SMURF1: variants seen among roughly 807,000 people sequenced by gnomAD.
The protein encoded by SMURF1 is E3 ubiquitin-protein ligase SMURF1.
In SMURF1, 44 loss-of-function variants were observed where a neutral mutation model predicts 98.0. That is an observed-to-expected ratio of 0.45 (90% CI 0.35 to 0.58). The LOEUF (loss-of-function observed/expected upper bound fraction) is 0.58. Ranked by LOEUF, SMURF1 falls within the 20% of genes least tolerant of loss-of-function variation. The pLI is 0.00. For missense variants in SMURF1, 687 were observed against 938.4 expected (o/e 0.73, Z 3.50); for synonymous variants, 396 against 374.9 (o/e 1.06, Z -0.65).
At chr7:99,054,539 C>T (rs923416140) in intron 6 of SMURF1, among the ~76,000 whole-genome samples, 13 of 152,078 alleles carry the variant, frequency 8.5e-5, no homozygotes, top group Admixed American at 6.6e-4. Context: ...ATCTCCTGAC[C>T]TCGTGATCCA....
At chr7:99,142,095 G>A (rs1376571301) in intron 1 of SMURF1, among the ~76,000 whole-genome samples, 1 of 152,224 alleles carries the variant, frequency 6.6e-6, no homozygotes, top group Non-Finnish European at 1.5e-5. Context: ...GCCTGGTCCA[G>A]AACCTCTGGA....
chr7:99,066,769 ACT>A (rs1416486027), intron 1 of SMURF1, among the ~76,000 whole-genome samples: 1 of 148,834 alleles, frequency 6.7e-6, no homozygotes, highest in Admixed American at 6.8e-5. Context: ...ACACAGTGAG[ACT>A]CTGTCTCAAA....
rs1007008 is a variant in SMURF1, at chr7:99,028,913, C to T, written c.*1671G>A. 0.069 allele frequency: 10,515 copies of T among 152,248 alleles called. 463 individuals carry two copies. Among genetic ancestry groups the T allele is most frequent in the East Asian group, 0.21 (1,067 of 5,156 alleles). The allele number at this position is 152,248 out of a possible 1,614,324, so 9.4% of individuals were successfully genotyped here. A position where few individuals can be genotyped will look rare whatever the true frequency, so the allele number is the denominator to read the frequency against. ...ACTGGGGAACGGGCTTCTAGAACACCCTCAGGAAGCATCATGGTGAATGAG... is the reference window on the plus strand; with the variant it reads ...ACTGGGGAACGGGCTTCTAGAACACTCTCAGGAAGCATCATGGTGAATGAG... On this transcript the variant is annotated 3_prime_UTR_variant, in exon 18 of 18. Transcript: ENST00000361368.
chr7:99,114,404 T>C (rs1797395137), intron 1 of SMURF1, among the ~76,000 whole-genome samples: 1 of 152,064 alleles, frequency 6.6e-6, no homozygotes, highest in African/African-American at 2.4e-5. Context: ...AAAATTGTTA[T>C]AAGGGACAAA....
chr7:99,058,454 A>G (rs1414114190), intron 3 of SMURF1, among the ~76,000 whole-genome samples: 1 of 152,166 alleles, frequency 6.6e-6, no homozygotes, highest in East Asian at 1.9e-4. Context: ...TAATAGTCGC[A>G]TAGGACAGTA....
intron 1 of SMURF1, among the ~76,000 whole-genome samples, chr7:99,075,026 T>C (rs1796419402): frequency 6.6e-6 from 1 of 152,164 alleles, no homozygotes; most frequent in South Asian, 2.1e-4. Flanking sequence ...CTAGAATTGC[T>C]AAAATTAAAA....
At chr7:99,064,145 T>A (rs1796133956) in intron 1 of SMURF1, among the ~76,000 whole-genome samples, 1 of 152,242 alleles carries the variant, frequency 6.6e-6, no homozygotes, top group African/African-American at 2.4e-5. Context: ...ACAGTCCTTT[T>A]AATATGTCGC....
At chr7:99,043,157 G>A (rs898009814) in intron 11 of SMURF1, among the ~76,000 whole-genome samples, 1 of 152,106 alleles carries the variant, frequency 6.6e-6, no homozygotes, top group Admixed American at 6.6e-5. Flanking sequence ...CAAACATTCC[G>A]ACCGAGCCAT....
intron 1 of SMURF1, among the ~76,000 whole-genome samples, chr7:99,093,402 G>C (rs747146911): frequency 5.3e-5 from 8 of 152,136 alleles, no homozygotes; most frequent in Non-Finnish European, 8.8e-5. Context: ...GCTACACAAA[G>C]GAGGTGAGAA....
At chr7:99,051,242 A>C (rs935478427) in intron 8 of SMURF1, 115 bp downstream of exon 8, 2 of 930,610 alleles carry the variant, frequency 2.1e-6, no homozygotes, top group Non-Finnish European at 1.8e-6. Context: ...CATCAATATC[A>C]TCTCATTCAT....
chr7:99,049,794 T>C, intron 8 of SMURF1, 85 bp from the exon 9 acceptor site: 18 of 1,367,956 alleles, frequency 1.3e-5, no homozygotes, highest in Non-Finnish European at 1.8e-5. Flanking sequence ...GCCACAGAGG[T>C]TCCTTATCAA....
At chr7:99,055,890 C>G (rs546053585) in intron 5 of SMURF1, among the ~76,000 whole-genome samples, 2 of 152,044 alleles carry the variant, frequency 1.3e-5, no homozygotes, top group African/African-American at 4.8e-5. Flanking sequence ...CGCTTAAACG[C>G]GGGAGGCGGA....
rs777633432 is a variant in SMURF1, at chr7:99,052,405, C to T, written c.521G>A (p.Cys174Tyr). 4.4e-6 allele frequency: 7 copies of T among 1,599,874 alleles called. No homozygotes were observed. Among genetic ancestry groups the T allele is most frequent in the Non-Finnish European group, 3.4e-6 (4 of 1,172,042 alleles). Residue 174 changes from cysteine to tyrosine, a missense_variant, in exon 7 of 18, where the codon TGC becomes TAC. Cys to Tyr is a radical substitution (Grantham distance 194). This residue lies in a region of SMURF1 where 415 missense variants were observed against 508.4 expected (regional missense o/e 0.82). Coordinates refer to ENST00000361368, the MANE Select transcript of SMURF1 (RefSeq NM_181349.3). ...EDSGPGRPLSCFMEEPAPYTD... is the reference protein window; with the variant it reads ...EDSGPGRPLSYFMEEPAPYTD... ...GTAAGGGGCTGGTTCCTCCATGAAG[C>T]AGCTGAGCGGCCTCCCAGGCCCGGA...
At chr7:99,030,794 G>GT (rs1343940151) in intron 17 of SMURF1, 111 bp from the exon 18 acceptor site, 23 of 682,044 alleles carry the variant, frequency 3.4e-5, no homozygotes, top group Non-Finnish European at 4.5e-5. Flanking sequence ...GGAATGGGGG[G>GT]TGGGGCAGGG....
At chr7:99,090,927 C>T (rs1458020289) in intron 1 of SMURF1, among the ~76,000 whole-genome samples, 1 of 152,164 alleles carries the variant, frequency 6.6e-6, no homozygotes, top group Non-Finnish European at 1.5e-5. Flanking sequence ...GTGACAGCTA[C>T]GCTCTAGTTA....
intron 6 of SMURF1, among the ~76,000 whole-genome samples, chr7:99,053,001 G>A (rs931630800): frequency 6.6e-6 from 1 of 152,276 alleles, no homozygotes; most frequent in Non-Finnish European, 1.5e-5. Context: ...AGGTTGCAGT[G>A]AGCCAAGATT....
Position 99,057,279 on chromosome 7 carries a change from A to G in SMURF1, c.338-9T>C. ...TAGATCCAAACGCTGGTCTGTAAAC[A>G]AACAATTCAAAACTTAACCCAAGGA... On this transcript the variant is annotated splice_polypyrimidine_tract_variant and intron_variant, in intron 4 of 17. Coordinates refer to ENST00000361368, the MANE Select transcript of SMURF1 (RefSeq NM_181349.3). The G allele has an allele frequency of 6.2e-7, 1 of 1,614,216 alleles. No homozygotes were observed. Among genetic ancestry groups the G allele is most frequent in the East Asian group, 2.2e-5 (1 of 44,880 alleles).
At chr7:99,059,529 T>C (rs1795980867) in intron 3 of SMURF1, among the ~76,000 whole-genome samples, 4 of 152,026 alleles carry the variant, frequency 2.6e-5, no homozygotes, top group Admixed American at 2.6e-4. Context: ...GCTTTGATCA[T>C]ATAAAACTAT....
chr7:99,038,329 A>G lies in SMURF1; in HGVS notation c.1688+59T>C, dbSNP rs1171016992. On this transcript the variant is annotated intron_variant, in intron 14 of 17. Coordinates refer to ENST00000361368, the MANE Select transcript of SMURF1 (RefSeq NM_181349.3). Reference sequence around the variant, plus strand: ...CTCACACAGCGAAGGAGCTACAGCAACTAAATGCAGGCTCAGCCGCGCCCC... The same window carrying G: ...CTCACACAGCGAAGGAGCTACAGCAGCTAAATGCAGGCTCAGCCGCGCCCC... 3 of 1,592,774 alleles carry G rather than the reference A, an allele frequency of 1.9e-6. No individual in the cohort carries two copies. In the East Asian group the frequency reaches 6.7e-5, roughly 36 times the overall value.
Sources: gnomAD v4.1 joint callset for allele counts (sites outside exome capture counted in the v4.1 genomes callset) on GRCh38, gnomAD v4.1.1 for gene constraint, gnomAD v4.1.1 regional missense constraint, MANE v1.5 for transcripts, NCBI Gene and HGNC (gene_info 2026-07-23, HGNC 2026-07-21) for gene names.